ASAP3: variants seen among roughly 807,000 people sequenced by gnomAD.
ASAP3 encodes arf-GAP with SH3 domain, ANK repeat and PH domain-containing protein 3.
ASAP3 carries 85 observed loss-of-function variants against 118.2 expected under a neutral mutation model. The ratio of observed to expected loss-of-function variants is 0.72; its 90% CI spans 0.60 to 0.86. ASAP3 has a LOEUF of 0.86. Ranked by LOEUF, ASAP3 falls within the 40% of genes least tolerant of loss-of-function variation. The pLI, the probability that ASAP3 is intolerant of heterozygous loss-of-function variation, is 0.00. For missense variants in ASAP3, 1,026 were observed against 1,175.0 expected (o/e 0.87, Z 1.85); for synonymous variants, 432 against 477.4 (o/e 0.90, Z 1.24).
At chr1:23,464,061 G>A (rs927135916) in intron 1 of ASAP3, among the ~76,000 whole-genome samples, 1 of 152,004 alleles carries the variant, frequency 6.6e-6, no homozygotes, top group Non-Finnish European at 1.5e-5. Flanking sequence ...AAAGCCAGGT[G>A]TGGCGGCTCC....
At chr1:23,435,745 G>A in intron 17 of ASAP3, 106 bp downstream of exon 17, 3 of 1,277,342 alleles carry the variant, frequency 2.3e-6, no homozygotes, top group Non-Finnish European at 3.4e-6. Flanking sequence ...TGAGATCTGA[G>A]CAGATGTCAG....
chr1:23,442,660 T>C (rs1640915656), intron 5 of ASAP3, 48 bp from the exon 6 acceptor site: 2 of 1,588,172 alleles, frequency 1.3e-6, no homozygotes, highest in Admixed American at 1.8e-5. Context: ...CCAGCCCCTA[T>C]ATCCTCTTCT....
chr1:23,468,958 A>AAC (rs1047201037), intron 1 of ASAP3, among the ~76,000 whole-genome samples: 1 of 151,618 alleles, frequency 6.6e-6, no homozygotes, highest in Non-Finnish European at 1.5e-5. Flanking sequence ...AAGTACAAAA[A>AAC]AAAAAACAAA....
chr1:23,434,667 T>G, intron 17 of ASAP3, 49 bp from the exon 18 acceptor site: 1 of 1,559,740 alleles, frequency 6.4e-7, no homozygotes. Flanking sequence ...TGCACCTGCC[T>G]CCAACCCAGT....
intron 24 of ASAP3, among the ~76,000 whole-genome samples, chr1:23,430,289 A>G (rs1640378519): frequency 6.6e-6 from 1 of 152,226 alleles, no homozygotes; most frequent in East Asian, 1.9e-4. Flanking sequence ...TGCCCCTGCC[A>G]TCCTGACTCC....
chr1:23,465,541 G>A (rs892468092), intron 1 of ASAP3, among the ~76,000 whole-genome samples: 8 of 149,520 alleles, frequency 5.4e-5, no homozygotes, highest in Admixed American at 2.0e-4. Flanking sequence ...TCTCACTCTC[G>A]CCCAGGCTAG....
At position 23,437,071 on chromosome 1, in the gene ASAP3, G is replaced by A; in HGVS notation, c.1343-27C>T. On this transcript the variant is annotated intron_variant, in intron 14 of 24. Coordinates refer to ENST00000336689, the MANE Select transcript of ASAP3 (RefSeq NM_017707.4). This position sits in a 1 kb window ranked among gnomAD's most constrained non-coding sequence, Gnocchi z 6.1. Reference sequence around the variant, plus strand: ...TGCAGAGGAAAGCAGCTGGAGCCTGGAGGTGCAGCCCCTCCCCTCCACTTA... The same window carrying A: ...TGCAGAGGAAAGCAGCTGGAGCCTGAAGGTGCAGCCCCTCCCCTCCACTTA... The A allele has an allele frequency of 1.2e-6, 2 of 1,604,278 alleles. No individual in the cohort carries two copies. The highest frequency in any genetic ancestry group is 1.7e-6 in the Non-Finnish European group (2 of 1,175,442).
intron 5 of ASAP3, among the ~76,000 whole-genome samples, chr1:23,447,357 T>A (rs947799276): frequency 6.6e-6 from 1 of 152,192 alleles, no homozygotes; most frequent in African/African-American, 2.4e-5. Flanking sequence ...TTATTACTAT[T>A]ATTGTTCATC....
Position 23,452,737 on chromosome 1 carries a change from A to G in ASAP3, c.383T>C (p.Leu128Pro). The change falls in exon 4 of 25, where the codon CTG becomes CCG. Residue 128 changes from leucine to proline, a missense_variant. Coordinates refer to ENST00000336689, the MANE Select transcript of ASAP3 (RefSeq NM_017707.4). ...QNLNNIVSFP[L>P]DSLMKGQLRD... ...CAGCTGCCCCTTCATCAGACTGTCCAGGGGGAAAGAGACAATGTTGTTCAA... is the reference window on the plus strand; with the variant it reads ...CAGCTGCCCCTTCATCAGACTGTCCGGGGGGAAAGAGACAATGTTGTTCAA... 6.2e-7 allele frequency: 1 copy of G among 1,613,874 alleles called. No individual in the cohort carries two copies. The highest frequency in any genetic ancestry group is 8.5e-7 in the Non-Finnish European group (1 of 1,179,992).
chr1:23,441,126 C>CCCACTTT lies in ASAP3; in HGVS notation c.913_919dup (p.Gly307GlufsTer10), dbSNP rs1409275350. 3.1e-6 allele frequency: 5 copies of CCCACTTT among 1,614,026 alleles called. No individual in the cohort carries two copies. Among genetic ancestry groups the CCCACTTT allele is most frequent in the Non-Finnish European group, 4.2e-6 (5 of 1,179,992 alleles). ...CCCGTCACTTTTCTTGTATAGAAAG[C>CCCACTTT]CCACTTTCTCCGTCCCAAACTGCTT... On this transcript the variant is annotated frameshift_variant, in exon 10 of 25. Transcript: ENST00000336689. LOFTEE classifies it high-confidence loss of function.
chr1:23,477,925 G>A (rs554161088), intron 1 of ASAP3, among the ~76,000 whole-genome samples: 1 of 152,152 alleles, frequency 6.6e-6, no homozygotes, highest in African/African-American at 2.4e-5. Flanking sequence ...CCAGAAGACT[G>A]TAAGGTCCAC....
chr1:23,437,348 G>A lies in ASAP3; in HGVS notation c.1152-28C>T, dbSNP rs758648668. 1 of 1,609,122 alleles carries A rather than the reference G, an allele frequency of 6.2e-7. No homozygotes were observed. ...GCGGAGATTGAACGGGGTGGGATGG[G>A]GATGTCAAGTGGGAAGAGATAGGGC... On this transcript the variant is annotated intron_variant, in intron 13 of 24. Transcript: ENST00000336689. This position sits in a 1 kb window ranked among gnomAD's most constrained non-coding sequence, Gnocchi z 6.1.
chr1:23,443,462 CTTTCTG>C (rs1447233935), intron 5 of ASAP3, among the ~76,000 whole-genome samples: 2 of 152,184 alleles, frequency 1.3e-5, no homozygotes, highest in Non-Finnish European at 2.9e-5. Flanking sequence ...CAGTGTTTGA[CTTTCTG>C]TTTCTGAGTT....
intron 21 of ASAP3, 43 bp from the exon 22 acceptor site, chr1:23,433,315 C>T: frequency 6.2e-7 from 1 of 1,605,698 alleles, no homozygotes; most frequent in Non-Finnish European, 8.5e-7. Context: ...CCTGGTTCCT[C>T]CGGTGTAGCC....
At chr1:23,476,100 C>T (rs2148662404) in intron 1 of ASAP3, among the ~76,000 whole-genome samples, 1 of 152,244 alleles carries the variant, frequency 6.6e-6, no homozygotes, top group East Asian at 1.9e-4. Flanking sequence ...AATCTCAGCA[C>T]TTTGGGAGGC....
At chr1:23,467,320 A>C (rs971149155) in intron 1 of ASAP3, among the ~76,000 whole-genome samples, 3 of 151,930 alleles carry the variant, frequency 2.0e-5, no homozygotes, top group Non-Finnish European at 4.4e-5. Context: ...CTCCTGCCTC[A>C]GCCTCCCAAG....
chr1:23,464,143 T>A, intron 1 of ASAP3, among the ~76,000 whole-genome samples: 1 of 149,940 alleles, frequency 6.7e-6, no homozygotes, highest in South Asian at 2.1e-4. Context: ...AAGACCAGCC[T>A]CGGCAACAAA....
At chr1:23,452,843 T>TGAAGCCCTGTACTTGGCAAA in intron 3 of ASAP3, 72 bp from the exon 4 acceptor site, 1 of 1,441,886 alleles carries the variant, frequency 6.9e-7, no homozygotes, top group Non-Finnish European at 9.8e-7. Context: ...CGGTGTACAG[T>TGAAGCCCTGTACTTGGCAAA]GAAGCATCAC....
chr1:23,448,817 G>C (rs1641124293), intron 5 of ASAP3, among the ~76,000 whole-genome samples: 1 of 152,106 alleles, frequency 6.6e-6, no homozygotes, highest in South Asian at 2.1e-4. Context: ...GCCCCATAAG[G>C]CAGGATCATT....
Sources: allele counts gnomAD v4.1 joint callset (sites outside exome capture counted in the v4.1 genomes callset), GRCh38; gene constraint gnomAD v4.1.1; non-coding constraint Gnocchi (gnomAD v3.1); transcripts MANE v1.5; gene names NCBI Gene and HGNC (gene_info 2026-07-23, HGNC 2026-07-21).